The following MTF2 variants were observed in gnomAD, a reference collection of about 807,000 sequenced individuals.
MTF2 encodes metal-response element-binding transcription factor 2.
MTF2 carries 11 observed loss-of-function variants against 79.5 expected under a neutral mutation model. The observed-to-expected ratio is 0.14, with a 90% confidence interval of 0.09 to 0.23. The LOEUF (loss-of-function observed/expected upper bound fraction) is 0.23, where lower values mean the gene tolerates loss of function less well. Among genes scored for constraint, MTF2 ranks in the 10% least tolerant of loss-of-function variants. The pLI, the probability that MTF2 is intolerant of heterozygous loss-of-function variation, is 1.00. For synonymous variants in MTF2, 208 were observed against 232.8 expected (o/e 0.89, Z 0.97); for missense variants, 486 against 711.2 (o/e 0.68, Z 3.60).
chr1:93,121,021 A>G (rs759525738), intron 9 of MTF2: 34 of 1,035,562 alleles, frequency 3.3e-5, no homozygotes, highest in Non-Finnish European at 3.8e-5. Flanking sequence ...TAAGTTTTCT[A>G]TAAACTTAGA....
At chr1:93,116,436 G>A (rs926127324) in intron 6 of MTF2, among the ~76,000 whole-genome samples, 4 of 150,136 alleles carry the variant, frequency 2.7e-5, no homozygotes, top group African/African-American at 9.9e-5. Context: ...CCTTCCTAAC[G>A]TTTGATTTAA....
At chr1:93,092,131 T>A (rs983715508) in intron 1 of MTF2, among the ~76,000 whole-genome samples, 1 of 152,190 alleles carries the variant, frequency 6.6e-6, no homozygotes, top group Non-Finnish European at 1.5e-5. Context: ...GAAATTTTTA[T>A]TTTGGCTATA....
intron 1 of MTF2, among the ~76,000 whole-genome samples, chr1:93,103,331 TA>T (rs1655627893): frequency 6.6e-6 from 1 of 151,670 alleles, no homozygotes; most frequent in African/African-American, 2.4e-5. Flanking sequence ...CTGCTTATGT[TA>T]AAACATTGGA....
intron 13 of MTF2, 34 bp from the exon 14 acceptor site, chr1:93,134,057 T>C (rs1370810702): frequency 3.9e-6 from 6 of 1,556,694 alleles, no homozygotes; most frequent in South Asian, 3.5e-5. Flanking sequence ...TTATATAATA[T>C]AGTCGTTACA....
intron 1 of MTF2, among the ~76,000 whole-genome samples, chr1:93,097,326 C>T (rs1655332171): frequency 6.6e-6 from 1 of 152,134 alleles, no homozygotes; most frequent in Non-Finnish European, 1.5e-5. Flanking sequence ...CTTGTTACTA[C>T]TTTCCTTCTA....
chr1:93,093,649 T>C (rs996449832), intron 1 of MTF2, among the ~76,000 whole-genome samples: 2 of 152,192 alleles, frequency 1.3e-5, no homozygotes, highest in South Asian at 4.1e-4. Flanking sequence ...AATCTTTAAA[T>C]ACTTTATATG....
chr1:93,080,413 A>G (rs1413347600), intron 1 of MTF2, among the ~76,000 whole-genome samples: 2 of 152,172 alleles, frequency 1.3e-5, no homozygotes, highest in Non-Finnish European at 2.9e-5. Flanking sequence ...GAACAGATGG[A>G]TTTATCGGGG....
chr1:93,132,699 T>C (rs567218486), intron 11 of MTF2, among the ~76,000 whole-genome samples: 1 of 152,244 alleles, frequency 6.6e-6, no homozygotes, highest in East Asian at 1.9e-4. Flanking sequence ...TCCCTGACCT[T>C]TTTTGGCATC....
intron 1 of MTF2, among the ~76,000 whole-genome samples, chr1:93,095,916 AG>A (rs2101032961): frequency 6.7e-6 from 1 of 150,216 alleles, no homozygotes; most frequent in Non-Finnish European, 1.5e-5. Context: ...GACCTCCCAA[AG>A]TGCTGGGATT....
chr1:93,084,614 A>G (rs561870391), intron 1 of MTF2, among the ~76,000 whole-genome samples: 1 of 152,328 alleles, frequency 6.6e-6, no homozygotes, highest in South Asian at 2.1e-4. Context: ...AACATCTATG[A>G]ACATGGGATG....
intron 1 of MTF2, among the ~76,000 whole-genome samples, chr1:93,088,676 A>G (rs921370036): frequency 1.3e-5 from 2 of 151,954 alleles, no homozygotes; most frequent in Admixed American, 6.6e-5. Context: ...AGCAATTCTC[A>G]TGCTTCAGCC....
intron 14 of MTF2, among the ~76,000 whole-genome samples, chr1:93,134,752 G>A (rs535019822): frequency 5.6e-4 from 84 of 149,680 alleles, no homozygotes; most frequent in Non-Finnish European, 1.1e-3. Context: ...TTGAACTCCC[G>A]ATCTCAAGTG....
intron 1 of MTF2, among the ~76,000 whole-genome samples, chr1:93,096,500 G>C (rs775587313): frequency 6.6e-6 from 1 of 150,384 alleles, no homozygotes; most frequent in Non-Finnish European, 1.5e-5. Context: ...CCAGCTTTTG[G>C]TGCCATTTGT....
intron 1 of MTF2, among the ~76,000 whole-genome samples, chr1:93,105,026 C>G (rs1165291631): frequency 6.6e-6 from 1 of 151,498 alleles, no homozygotes; most frequent in Admixed American, 6.6e-5. Context: ...CGCCTGTAGT[C>G]CCAGCTACTC....
At position 93,110,444 on chromosome 1, in the gene MTF2, G is replaced by T; in HGVS notation, c.204+16G>T. On this transcript the variant is annotated intron_variant, in intron 2 of 14. Transcript: ENST00000370298. ...TATCAAAAAGGCAAGTTACTTTAAT[G>T]TATCTTTTGCTGTTTTTGCAGTAAG... is the stretch of plus-strand genomic sequence containing the variant. 2 of 1,613,316 alleles carry T rather than the reference G, an allele frequency of 1.2e-6. No homozygotes were observed. The highest frequency in any genetic ancestry group is 1.7e-6 in the Non-Finnish European group (2 of 1,179,296).
chr1:93,079,429 G>A lies in MTF2; in HGVS notation c.-98G>A. The A allele has an allele frequency of 1.3e-6, 2 of 1,486,758 alleles. No homozygotes were observed. Among genetic ancestry groups the A allele is most frequent in the South Asian group, 1.1e-5 (1 of 87,602 alleles). 92.1% of individuals were successfully genotyped at this position (1,486,758 alleles called of 1,614,324 possible). A position where few individuals can be genotyped will look rare whatever the true frequency, so the allele number is the denominator to read the frequency against. ...ATGTGCCGGGTACCCGGTGGGGCGG[G>A]TGCCCAGTAAGTGCTCGGACTCGCA... On this transcript the variant is annotated 5_prime_UTR_variant, in exon 1 of 15. In the 5' UTR this introduces an upstream ATG that the reference lacks. Coordinates refer to ENST00000370298, the MANE Select transcript of MTF2 (RefSeq NM_007358.4).
chr1:93,111,025 G>T (rs1656008681), intron 3 of MTF2, among the ~76,000 whole-genome samples: 1 of 152,264 alleles, frequency 6.6e-6, no homozygotes, highest in South Asian at 2.1e-4. Context: ...TAGAATAATA[G>T]AAATATTCGT....
intron 1 of MTF2, among the ~76,000 whole-genome samples, chr1:93,088,780 T>A (rs147266583): frequency 3.3e-4 from 51 of 152,268 alleles, no homozygotes; most frequent in African/African-American, 1.1e-3. Flanking sequence ...TTGGCCAGGC[T>A]GGTATGGAAC....
chr1:93,100,788 G>T (rs1044012521), intron 1 of MTF2, among the ~76,000 whole-genome samples: 4 of 152,200 alleles, frequency 2.6e-5, no homozygotes, highest in Admixed American at 2.0e-4. Flanking sequence ...AGATAAAAGA[G>T]AATTCCTTCT....
Sources: gnomAD v4.1 joint callset for allele counts (sites outside exome capture counted in the v4.1 genomes callset) on GRCh38, gnomAD v4.1.1 for gene constraint, MANE v1.5 for transcripts, NCBI Gene and HGNC (gene_info 2026-07-23, HGNC 2026-07-21) for gene names.